The following STK38L variants were observed in gnomAD, a reference collection of about 807,000 sequenced individuals.
STK38L encodes serine/threonine-protein kinase 38-like.
In STK38L, 28 loss-of-function variants were observed where a neutral mutation model predicts 59.7. The observed-to-expected ratio is 0.47, with a 90% CI of 0.35 to 0.64. STK38L has a LOEUF of 0.64. Among genes scored for constraint, STK38L ranks in the 30% least tolerant of loss-of-function variants. The pLI is 0.01. For synonymous variants in STK38L, 162 were observed against 176.8 expected, an observed-to-expected ratio of 0.92 and a Z score of 0.66; for missense variants, 314 against 555.8, an observed-to-expected ratio of 0.56 and a Z score of 4.37.
chr12:27,275,339 C>A (rs939472141), intron 1 of STK38L, among the ~76,000 whole-genome samples: 26 of 132,396 alleles, frequency 2.0e-4, no homozygotes, highest in African/African-American at 7.0e-4. Context: ...GATTAGACTG[C>A]ATCTTTTTTT....
Position 27,315,096 on chromosome 12 carries a change from C to T in STK38L, c.754C>T (p.His252Tyr). Reference protein sequence around the residue: ...HRTEFYRNLTHNPPSDFSFQN... With the variant: ...HRTEFYRNLTYNPPSDFSFQN... Reference sequence around the variant, plus strand: ...GACTGAATTTTATAGAAATCTCACACACAACCCACCAAGTGACTTCTGTAA... The same window carrying T: ...GACTGAATTTTATAGAAATCTCACATACAACCCACCAAGTGACTTCTGTAA... The change falls in exon 8 of 14, where the codon CAC becomes TAC. Residue 252 changes from histidine (H) to tyrosine (Y), a missense_variant. Physicochemically the swap from His to Tyr is moderately conservative, Grantham distance 83. Around this residue, in one of 3 missense-constraint regions of STK38L, gnomAD observed 192 missense variants for 316.9 expected, o/e 0.61. Transcript: ENST00000389032. 3 of 1,613,560 alleles carry T rather than the reference C, an allele frequency of 1.9e-6. No homozygotes were observed. The South Asian group carries it at 3.3e-5, about 18-fold the overall frequency.
intron 1 of STK38L, among the ~76,000 whole-genome samples, chr12:27,289,415 AT>A (rs1233961723): frequency 2.6e-5 from 4 of 152,242 alleles, no homozygotes; most frequent in Non-Finnish European, 5.9e-5. Context: ...AAACTCAGGT[AT>A]TCTGCCATGA....
chr12:27,320,883 G>A (rs896880473), intron 12 of STK38L, among the ~76,000 whole-genome samples: 1 of 150,678 alleles, frequency 6.6e-6, no homozygotes, highest in Non-Finnish European at 1.5e-5. Flanking sequence ...CCGGGTTCAC[G>A]CCATTCTCCT....
At chr12:27,273,170 G>A (rs369886585) in intron 1 of STK38L, among the ~76,000 whole-genome samples, 9 of 151,592 alleles carry the variant, frequency 5.9e-5, no homozygotes, top group South Asian at 2.1e-4. Context: ...AAACAAGGGC[G>A]GAGATTTTCT....
rs138830675 is a variant in STK38L, at chr12:27,281,637, A to G, written c.-11-16073A>G. On this transcript the variant is annotated intron_variant, in intron 1 of 13. Transcript: ENST00000389032. ...GCCTGGCACAGAGAAGGTGTTTTAT[A>G]AATGGTATCCATGACAACAACAGTG... Among the ~76,000 whole-genome samples, 2 of 152,358 alleles carry G rather than the reference A, an allele frequency of 1.3e-5. 1 individual carries two copies. The highest frequency in any genetic ancestry group is 4.8e-5 in the African/African-American group (2 of 41,596).
intron 1 of STK38L, among the ~76,000 whole-genome samples, chr12:27,293,962 A>T (rs1943952754): frequency 6.6e-6 from 1 of 152,214 alleles, no homozygotes; most frequent in Non-Finnish European, 1.5e-5. Flanking sequence ...TCTGTTCATT[A>T]GTATCTGCTT....
At chr12:27,321,387 CAG>C (rs1442111232) in intron 12 of STK38L, among the ~76,000 whole-genome samples, 3 of 152,074 alleles carry the variant, frequency 2.0e-5, no homozygotes, top group Admixed American at 6.6e-5. Flanking sequence ...ATTTGTATGA[CAG>C]AAGTTTTTGC....
At chr12:27,275,007 C>A (rs1247070637) in intron 1 of STK38L, among the ~76,000 whole-genome samples, 2 of 152,150 alleles carry the variant, frequency 1.3e-5, no homozygotes, top group Non-Finnish European at 2.9e-5. Flanking sequence ...ACCACCAAAT[C>A]CACCTTCCTG....
chr12:27,267,544 A>G (rs1031145555), intron 1 of STK38L, among the ~76,000 whole-genome samples: 5 of 152,214 alleles, frequency 3.3e-5, no homozygotes, highest in African/African-American at 1.2e-4. Context: ...TCTAGTGAAC[A>G]TTGTTATGAT....
intron 6 of STK38L, 102 bp from the exon 7 acceptor site, chr12:27,314,400 CCA>C: frequency 1.4e-6 from 1 of 726,524 alleles, no homozygotes; most frequent in Non-Finnish European, 1.9e-6. Flanking sequence ...GACTCTGTCT[CCA>C]AAAAAAAAAA....
intron 1 of STK38L, among the ~76,000 whole-genome samples, chr12:27,259,178 A>G (rs1943151810): frequency 6.6e-6 from 1 of 152,226 alleles, no homozygotes. Context: ...CGGCTGAATG[A>G]TAAACACAGA....
intron 1 of STK38L, among the ~76,000 whole-genome samples, chr12:27,272,131 T>A (rs1433548392): frequency 6.6e-6 from 1 of 152,230 alleles, no homozygotes; most frequent in African/African-American, 2.4e-5. Flanking sequence ...GATAGAGTTT[T>A]CACTCAGCTG....
rs1944061769 is a variant in STK38L, at chr12:27,297,795, G to A, written c.75G>A (p.Lys25=). ...CCCGGGAAAGAGTGACTGTAGCCAAGCTCACATTGGAGAATTTTTATAGCA... is the reference window on the plus strand; with the variant it reads ...CCCGGGAAAGAGTGACTGTAGCCAAACTCACATTGGAGAATTTTTATAGCA... ...NHTRERVTVA[K]LTLENFYSNL... The change falls in exon 2 of 14, where the codon AAG becomes AAA. Residue 25 remains lysine (K), a synonymous_variant. Coordinates refer to ENST00000389032, the MANE Select transcript of STK38L (RefSeq NM_015000.4). The A allele has an allele frequency of 6.8e-6, 11 of 1,614,026 alleles. No individual in the cohort carries two copies. The highest frequency in any genetic ancestry group is 2.2e-5 in the East Asian group (1 of 44,888).
intron 1 of STK38L, among the ~76,000 whole-genome samples, chr12:27,244,632 C>A (rs1734154573): frequency 6.6e-6 from 1 of 152,150 alleles, no homozygotes; most frequent in Non-Finnish European, 1.5e-5. Flanking sequence ...TCCGGGTCCC[C>A]GCCTGGGCTT....
At chr12:27,288,311 A>C (rs1943821890) in intron 1 of STK38L, among the ~76,000 whole-genome samples, 1 of 152,194 alleles carries the variant, frequency 6.6e-6, no homozygotes, top group Admixed American at 6.5e-5. Context: ...CATTTATTTT[A>C]AACTTTAAAT....
At position 27,259,985 on chromosome 12, in the gene STK38L, T is replaced by G. The variant is rs528127381; in HGVS notation, c.-12+15653T>G. The stretch of plus-strand genomic sequence containing the variant: ...ATCCTTTGCAGTTTATAGCCAGAAC[T>G]CTGTTTCTTATATCAAGTTTTAATC... On this transcript the variant is annotated intron_variant, in intron 1 of 13. Coordinates refer to ENST00000389032, the MANE Select transcript of STK38L (RefSeq NM_015000.4). Among the ~76,000 whole-genome samples the G allele has an allele frequency of 1.2e-4, 19 of 152,318 alleles. No individual in the cohort carries two copies. The South Asian group carries it at 3.5e-3, about 28-fold the overall frequency.
chr12:27,255,319 G>T (rs1052088441), intron 1 of STK38L, among the ~76,000 whole-genome samples: 3 of 152,156 alleles, frequency 2.0e-5, no homozygotes, highest in Admixed American at 2.0e-4. Flanking sequence ...GTGCTTTTCT[G>T]TACAAGTAAA....
At chr12:27,286,386 T>A (rs1445273552) in intron 1 of STK38L, among the ~76,000 whole-genome samples, 1 of 152,172 alleles carries the variant, frequency 6.6e-6, no homozygotes, top group Admixed American at 6.5e-5. Flanking sequence ...TTAAATCATC[T>A]GTAATTTCAC....
chr12:27,322,050 G>A, intron 12 of STK38L, 93 bp from the exon 13 acceptor site: 8 of 1,166,354 alleles, frequency 6.9e-6, no homozygotes, highest in Non-Finnish European at 9.8e-6. Context: ...TCTAGTATCT[G>A]TAGAATAGTA....
Sources: allele counts gnomAD v4.1 joint callset (sites outside exome capture counted in the v4.1 genomes callset), GRCh38; gene constraint gnomAD v4.1.1; regional missense constraint gnomAD v4.1.1; transcripts MANE v1.5; gene names NCBI Gene and HGNC (gene_info 2026-07-23, HGNC 2026-07-21).